ERP44: variants seen among roughly 807,000 people sequenced by gnomAD.
The protein encoded by ERP44 is endoplasmic reticulum resident protein 44.
In ERP44, 25 loss-of-function variants were observed where a neutral mutation model predicts 53.4. The ratio of observed to expected loss-of-function variants is 0.47; its 90% CI spans 0.34 to 0.65. ERP44 has a LOEUF of 0.65. ERP44 is among the 30% of genes least tolerant of loss of function. The probability of loss-of-function intolerance (pLI) is 0.01; values close to 1 mark genes in which losing one functional copy is unlikely to be tolerated. For missense variants in ERP44, 338 were observed against 493.2 expected (o/e 0.69, Z 2.98); for synonymous variants, 145 against 161.2 (o/e 0.90, Z 0.76).
intron 1 of ERP44, among the ~76,000 whole-genome samples, chr9:100,064,327 G>C (rs1826187867): frequency 6.6e-6 from 1 of 152,174 alleles, no homozygotes; most frequent in Non-Finnish European, 1.5e-5. Context: ...ATAGGTAGAT[G>C]ATGTTAACAC....
chr9:100,085,915 A>C (rs1262335864), intron 1 of ERP44, among the ~76,000 whole-genome samples: 1 of 152,142 alleles, frequency 6.6e-6, no homozygotes, highest in African/African-American at 2.4e-5. Flanking sequence ...CAAAACAAAA[A>C]ATCTTCCACA....
chr9:100,057,555 CTT>C (rs1344266228), intron 3 of ERP44, among the ~76,000 whole-genome samples: 3 of 152,104 alleles, frequency 2.0e-5, no homozygotes, highest in Non-Finnish European at 2.9e-5. Flanking sequence ...TATGTGTTCC[CTT>C]TGAGTCGGGG....
intron 10 of ERP44, among the ~76,000 whole-genome samples, chr9:99,986,739 G>A (rs1461962251): frequency 6.6e-6 from 1 of 152,168 alleles, no homozygotes; most frequent in African/African-American, 2.4e-5. Flanking sequence ...GGTGCCAAAT[G>A]CACAGTTTAC....
intron 8 of ERP44, among the ~76,000 whole-genome samples, chr9:100,012,477 A>C (rs1258197370): frequency 6.6e-6 from 1 of 152,156 alleles, no homozygotes; most frequent in East Asian, 1.9e-4. Context: ...TCTATGAAAC[A>C]CTCAGCAAAG....
At chr9:100,046,702 C>T (rs1825974121) in intron 4 of ERP44, among the ~76,000 whole-genome samples, 1 of 152,022 alleles carries the variant, frequency 6.6e-6, no homozygotes, top group South Asian at 2.1e-4. Context: ...CACAAATTGC[C>T]CTGAGGATTC....
At position 100,016,429 on chromosome 9, in the gene ERP44, G is replaced by C. The variant is rs1830526267; in HGVS notation, c.655C>G (p.Pro219Ala). 6.2e-7 allele frequency: 1 copy of C among 1,601,068 alleles called. No homozygotes were observed. The highest frequency in any genetic ancestry group is 1.4e-5 in the African/African-American group (1 of 73,852). ...IIYKPPGHSA[P>A]DMVYLGAMTN... ...ATAGCTCCCAAGTACACCATATCCG[G>C]AGCAGAATGCTATTACAAAACAGAA... Residue 219 changes from proline to alanine, a missense_variant, in exon 8 of 12, where the codon CCG becomes GCG. Pro to Ala is a conservative substitution (Grantham distance 27). Transcript: ENST00000262455.
chr9:100,000,153 C>T (rs1344494949), intron 10 of ERP44, among the ~76,000 whole-genome samples: 1 of 151,976 alleles, frequency 6.6e-6, no homozygotes, highest in South Asian at 2.1e-4. Context: ...TCTCCCAGGC[C>T]GGTGCAGTGG....
At chr9:100,049,054 G>A (rs537686387) in intron 4 of ERP44, among the ~76,000 whole-genome samples, 1 of 152,064 alleles carries the variant, frequency 6.6e-6, no homozygotes, top group East Asian at 1.9e-4. Context: ...TAGAATGGGC[G>A]AAAATATTTG....
At chr9:100,052,326 AAAAAGAAAAG>A (rs751064543) in intron 4 of ERP44, 81 bp downstream of exon 4, 28 of 603,326 alleles carry the variant, frequency 4.6e-5, no homozygotes, top group East Asian at 3.7e-4. Context: ...AAAAGGAAAA[AAAAAGAAAAG>A]AAAAGAAAAG....
intron 4 of ERP44, among the ~76,000 whole-genome samples, chr9:100,039,171 C>A (rs1825876547): frequency 6.6e-6 from 1 of 152,154 alleles, no homozygotes; most frequent in Non-Finnish European, 1.5e-5. Context: ...TTAACCTGCA[C>A]TATAAACCAA....
chr9:100,053,929 T>A (rs1826063332), intron 3 of ERP44, among the ~76,000 whole-genome samples: 1 of 152,200 alleles, frequency 6.6e-6, no homozygotes, highest in Non-Finnish European at 1.5e-5. Context: ...AGTTCATACA[T>A]ATTAGCTTTA....
intron 3 of ERP44, among the ~76,000 whole-genome samples, chr9:100,053,674 T>TA (rs1826060056): frequency 6.6e-6 from 1 of 152,212 alleles, no homozygotes; most frequent in South Asian, 2.1e-4. Flanking sequence ...CGGTATTATA[T>TA]ATGGGACTTC....
intron 3 of ERP44, among the ~76,000 whole-genome samples, chr9:100,056,380 C>T (rs1826088755): frequency 6.6e-6 from 1 of 152,130 alleles, no homozygotes; most frequent in African/African-American, 2.4e-5. Flanking sequence ...AATAATCATA[C>T]CATATATACA....
chr9:100,055,339 A>C lies in ERP44; in HGVS notation c.170+2481T>G, dbSNP rs553610907. ...AAATGATGAATCCTTGAATTAATGA[A>C]TACTCCATTTACCCTGATGTGTGTT... is the stretch of plus-strand genomic sequence containing the variant. On this transcript the variant is annotated intron_variant, in intron 3 of 11. Transcript: ENST00000262455. 3.3e-5 allele frequency among the ~76,000 whole-genome samples: 5 copies of C among 152,278 alleles called. No homozygotes were observed. In the South Asian group the frequency reaches 1.0e-3, roughly 32 times the overall value.
At chr9:100,057,905 G>GA (rs1826102183) in intron 2 of ERP44, 46 bp from the exon 3 acceptor site, 1 of 1,424,158 alleles carries the variant, frequency 7.0e-7, no homozygotes, top group African/African-American at 1.4e-5. Flanking sequence ...TAATAATTTT[G>GA]ACATAATTAA....
At chr9:100,018,173 G>T (rs1355892631) in intron 7 of ERP44, 83 bp downstream of exon 7, 2 of 879,506 alleles carry the variant, frequency 2.3e-6, no homozygotes, top group South Asian at 1.3e-5. Flanking sequence ...ATTAGTCTAT[G>T]AACATTAACA....
At chr9:100,075,568 C>T (rs560932876) in intron 1 of ERP44, among the ~76,000 whole-genome samples, 2 of 152,252 alleles carry the variant, frequency 1.3e-5, no homozygotes, top group Admixed American at 6.5e-5. Context: ...AGCAGACACA[C>T]GGGACTTCTT....
chr9:100,000,330 C>G (rs1486021781), intron 10 of ERP44, among the ~76,000 whole-genome samples: 3 of 150,782 alleles, frequency 2.0e-5, no homozygotes, highest in African/African-American at 4.9e-5. Context: ...CCCACCTACT[C>G]GGGAGGCTTG....
intron 1 of ERP44, among the ~76,000 whole-genome samples, chr9:100,067,604 G>C (rs1185144342): frequency 6.6e-6 from 1 of 152,138 alleles, no homozygotes; most frequent in Admixed American, 6.5e-5. Flanking sequence ...GCCTCTGCCC[G>C]GCCGCCACCC....
Sources: gnomAD v4.1 joint callset for allele counts (sites outside exome capture counted in the v4.1 genomes callset) on GRCh38, gnomAD v4.1.1 for gene constraint, MANE v1.5 for transcripts, NCBI Gene and HGNC (gene_info 2026-07-23, HGNC 2026-07-21) for gene names.